The following CEP170 variants were observed in gnomAD, a reference collection of about 807,000 sequenced individuals.
CEP170 encodes centrosomal protein 170.
In CEP170, 21 loss-of-function variants were observed where a neutral mutation model predicts 151.9. The ratio of observed to expected loss-of-function variants is 0.14; its 90% CI spans 0.10 to 0.20. The LOEUF is 0.20. Ranked by LOEUF, CEP170 falls within the 10% of genes least tolerant of loss-of-function variation. The pLI is 1.00. For synonymous variants in CEP170, 356 were observed against 648.8 expected (o/e 0.55, Z 6.86); for missense variants, 964 against 1,892.9 (o/e 0.51, Z 9.11).
Position 243,201,402 on chromosome 1 carries a change from C to G in CEP170, c.275-567G>C, listed in dbSNP as rs558196175. On this transcript the variant is annotated intron_variant, in intron 4 of 19. Coordinates refer to ENST00000366542, the MANE Select transcript of CEP170 (RefSeq NM_014812.3). ...GTATTACATTATCAAACAATGGATA[C>G]TATACCAAGATGAGATTAGAACCAA... is the stretch of plus-strand genomic sequence containing the variant. Among the ~76,000 whole-genome samples, 37 of 152,234 alleles carry G rather than the reference C, an allele frequency of 2.4e-4. 1 individual carries two copies. Among genetic ancestry groups the G allele is most frequent in the Middle Eastern group, 6.8e-3 (2 of 294 alleles).
intron 12 of CEP170, 107 bp downstream of exon 12, chr1:243,169,518 TAAC>T (rs1236017614): frequency 6.1e-6 from 9 of 1,486,740 alleles, no homozygotes; most frequent in African/African-American, 1.4e-5. Flanking sequence ...TTTTTTATAA[TAAC>T]AACTGATATA....
At chr1:243,197,692 G>A (rs1478882616) in intron 7 of CEP170, among the ~76,000 whole-genome samples, 7 of 152,118 alleles carry the variant, frequency 4.6e-5, no homozygotes, top group African/African-American at 1.2e-4. Flanking sequence ...ACTGAGAGAC[G>A]GAGAGAAGCT....
chr1:243,231,555 G>A (rs1186680049), intron 1 of CEP170, among the ~76,000 whole-genome samples: 5 of 152,048 alleles, frequency 3.3e-5, no homozygotes, highest in South Asian at 4.1e-4. Context: ...ATAATATTAC[G>A]GGGGAGGAAT....
At position 243,150,156 on chromosome 1, in the gene CEP170, T is replaced by C. The variant is rs141826657; in HGVS notation, c.3911+6065A>G. 2.4e-3 allele frequency among the ~76,000 whole-genome samples: 370 copies of C among 152,236 alleles called. 18 individuals carry two copies. The East Asian group carries it at 0.068, about 28-fold the overall frequency. On this transcript the variant is annotated intron_variant, in intron 14 of 19. Transcript: ENST00000366542. Reference sequence around the variant, plus strand: ...AACGAGACTGATAGGTGTTCCGTGATACATCTATTTTTTAGACAGAATCTC... The same window carrying C: ...AACGAGACTGATAGGTGTTCCGTGACACATCTATTTTTTAGACAGAATCTC...
chr1:243,212,819 T>C (rs926780359), intron 3 of CEP170, among the ~76,000 whole-genome samples: 2 of 152,090 alleles, frequency 1.3e-5, no homozygotes, highest in African/African-American at 4.8e-5. Flanking sequence ...CATGCTACCA[T>C]GCCCAGCTAA....
chr1:243,230,520 G>T lies in CEP170; in HGVS notation c.-41-5199C>A, dbSNP rs1033114615. On this transcript the variant is annotated intron_variant, in intron 1 of 19. Coordinates refer to ENST00000366542, the MANE Select transcript of CEP170 (RefSeq NM_014812.3). ...TCAACAAAAAAATTAGCAAAACAGT[G>T]TATGAAAAAAATGAGAATATCAGTA... Among the ~76,000 whole-genome samples the T allele has an allele frequency of 2.6e-5, 4 of 152,204 alleles. No homozygotes were observed. In the East Asian group the frequency reaches 7.7e-4, roughly 29 times the overall value.
At chr1:243,151,281 C>G (rs528424210) in intron 14 of CEP170, among the ~76,000 whole-genome samples, 1 of 149,708 alleles carries the variant, frequency 6.7e-6, no homozygotes, top group Admixed American at 6.6e-5. Context: ...CCACTAATCT[C>G]CCATCTGATC....
At position 243,140,070 on chromosome 1, in the gene CEP170, C is replaced by G. The variant is rs745711429; in HGVS notation, c.4097G>C (p.Arg1366Pro). 1 of 1,613,720 alleles carries G rather than the reference C, an allele frequency of 6.2e-7. No homozygotes were observed. The highest frequency in any genetic ancestry group is 8.5e-7 in the Non-Finnish European group (1 of 1,179,744). The change falls in exon 16 of 20, where the codon CGA (arginine) becomes CCA (proline). Residue 1366 changes from arginine (R) to proline (P), a missense_variant. Transcript: ENST00000366542. ...GGAATGAACTAATGGAGGAATCTTTCGGAAGTTGAGGCTTTCATCAAAAAC... is the reference window on the plus strand; with the variant it reads ...GGAATGAACTAATGGAGGAATCTTTGGGAAGTTGAGGCTTTCATCAAAAAC... Reference protein sequence around the residue: ...DRVFDESLNFRKIPPLVHSKT... With the variant: ...DRVFDESLNFPKIPPLVHSKT...
intron 3 of CEP170, 53 bp downstream of exon 3, chr1:243,221,671 T>G: frequency 6.7e-7 from 1 of 1,487,202 alleles, no homozygotes; most frequent in Non-Finnish European, 9.1e-7. Flanking sequence ...ATTTTTATTC[T>G]TACAATATTA....
intron 14 of CEP170, among the ~76,000 whole-genome samples, chr1:243,150,790 A>G (rs1258874720): frequency 1.3e-5 from 2 of 152,250 alleles, no homozygotes; most frequent in Non-Finnish European, 2.9e-5. Context: ...ACTACTGACT[A>G]TATGTCAAGC....
chr1:243,227,576 C>G (rs933180221), intron 1 of CEP170, among the ~76,000 whole-genome samples: 5 of 152,118 alleles, frequency 3.3e-5, no homozygotes, highest in South Asian at 2.1e-4. Context: ...ACCATTTCAT[C>G]GAGAACATTC....
chr1:243,187,008 A>G (rs2148726467), intron 8 of CEP170, among the ~76,000 whole-genome samples: 1 of 152,296 alleles, frequency 6.6e-6, no homozygotes, highest in South Asian at 2.1e-4. Flanking sequence ...TTTTTTCCAC[A>G]TATCTTTCCA....
At chr1:243,254,159 C>T (rs796489782) in intron 1 of CEP170, among the ~76,000 whole-genome samples, 5 of 151,678 alleles carry the variant, frequency 3.3e-5, no homozygotes, top group African/African-American at 9.7e-5. Context: ...CTCCAGCAGG[C>T]ATAGTCCCTG....
chr1:243,209,785 T>C (rs1202123894), intron 4 of CEP170, among the ~76,000 whole-genome samples: 1 of 151,880 alleles, frequency 6.6e-6, no homozygotes, highest in South Asian at 2.1e-4. Flanking sequence ...GTTCACACCA[T>C]TCTCCTACTG....
intron 14 of CEP170, among the ~76,000 whole-genome samples, chr1:243,154,213 T>A (rs1426425517): frequency 6.6e-6 from 1 of 152,292 alleles, no homozygotes; most frequent in Non-Finnish European, 1.5e-5. Flanking sequence ...GCATAAAACA[T>A]TTTTGTAATA....
At chr1:243,159,802 T>TGTGTGTGTGTGTGTGTGTGTGTGTG (rs58250126) in intron 13 of CEP170, among the ~76,000 whole-genome samples, 101 of 150,938 alleles carry the variant, frequency 6.7e-4, no homozygotes, top group South Asian at 2.1e-3. Context: ...TGTGTGTGTG[T>TGTGTGTGTGTGTGTGTGTGTGTGTG]TTTTGAGATG....
chr1:243,187,697 T>C (rs979242037), intron 8 of CEP170, among the ~76,000 whole-genome samples: 1 of 152,204 alleles, frequency 6.6e-6, no homozygotes, highest in Non-Finnish European at 1.5e-5. Context: ...TGAGTGTTAA[T>C]GTTTATAGGT....
At chr1:243,130,775 T>C (rs2148182574) in intron 17 of CEP170, among the ~76,000 whole-genome samples, 1 of 151,516 alleles carries the variant, frequency 6.6e-6, no homozygotes, top group East Asian at 1.9e-4. Flanking sequence ...TCACATCAAG[T>C]CTGGAACATT....
At chr1:243,143,250 T>C (rs2056086534) in intron 14 of CEP170, among the ~76,000 whole-genome samples, 1 of 152,076 alleles carries the variant, frequency 6.6e-6, no homozygotes, top group Non-Finnish European at 1.5e-5. Context: ...CACAGCACTT[T>C]CTAGTACATG....
Sources: allele counts gnomAD v4.1 joint callset (sites outside exome capture counted in the v4.1 genomes callset), GRCh38; gene constraint gnomAD v4.1.1; transcripts MANE v1.5; gene names NCBI Gene and HGNC (gene_info 2026-07-23, HGNC 2026-07-21).